Variants in IL1RAP observed in about 807,000 individuals in gnomAD.
The protein encoded by IL1RAP is interleukin-1 receptor accessory protein.
In IL1RAP, 35 loss-of-function variants were observed where a neutral mutation model predicts 60.7. The ratio of observed to expected loss-of-function variants is 0.58; its 90% CI spans 0.44 to 0.76. The LOEUF (loss-of-function observed/expected upper bound fraction) is 0.76, where lower values mean the gene tolerates loss of function less well. Ranked by LOEUF, IL1RAP falls within the 30% of genes least tolerant of loss-of-function variation. The pLI is 0.00. For synonymous variants in IL1RAP, 268 were observed against 250.9 expected (o/e 1.07, Z -0.64); for missense variants, 572 against 693.9 (o/e 0.82, Z 1.97).
intron 11 of IL1RAP, among the ~76,000 whole-genome samples, chr3:190,647,494 A>G (rs1734097076): frequency 1.3e-5 from 2 of 152,236 alleles, no homozygotes; most frequent in African/African-American, 4.8e-5. Context: ...CCTTGACAGC[A>G]GAATAAAATT....
chr3:190,596,931 C>A (rs3773953), intron 3 of IL1RAP, among the ~76,000 whole-genome samples: 14,154 of 152,038 alleles, frequency 0.093, 720 homozygotes, highest in African/African-American at 0.12. Context: ...TGACAAAATG[C>A]GCTCAGGTGG....
chr3:190,647,168 TG>T (rs1379970710), intron 11 of IL1RAP, among the ~76,000 whole-genome samples: 4 of 152,184 alleles, frequency 2.6e-5, no homozygotes, highest in African/African-American at 9.7e-5. Flanking sequence ...CTGGGTCTCT[TG>T]CCATGCTTGC....
intron 1 of IL1RAP, among the ~76,000 whole-genome samples, chr3:190,530,836 T>A (rs1722923888): frequency 1.3e-5 from 2 of 152,218 alleles, no homozygotes; most frequent in Admixed American, 1.3e-4. Flanking sequence ...ACAGACCACT[T>A]ACATGTTCAT....
chr3:190,653,738 C>A (rs1160390094), downstream of IL1RAP, among the ~76,000 whole-genome samples: 1 of 152,176 alleles, frequency 6.6e-6, no homozygotes, highest in African/African-American at 2.4e-5. Context: ...GGCCATACCT[C>A]ATTTTTTGAG....
intron 1 of IL1RAP, among the ~76,000 whole-genome samples, chr3:190,530,617 G>A (rs979295259): frequency 1.2e-4 from 19 of 152,162 alleles, no homozygotes; most frequent in Non-Finnish European, 2.6e-4. Context: ...TGATAAGTTT[G>A]CTTCTAGTAG....
At chr3:190,616,082 T>C (rs2108781590) in intron 5 of IL1RAP, among the ~76,000 whole-genome samples, 1 of 152,254 alleles carries the variant, frequency 6.6e-6, no homozygotes, top group East Asian at 1.9e-4. Flanking sequence ...CAGATAACAT[T>C]TGACGTAAGG....
intron 3 of IL1RAP, among the ~76,000 whole-genome samples, chr3:190,590,375 C>G (rs1486423134): frequency 2.0e-5 from 3 of 151,912 alleles, no homozygotes; most frequent in Admixed American, 2.0e-4. Context: ...CCTGCCTCAC[C>G]CTCCCAAGTA....
chr3:190,516,380 A>C (rs950769399), intron 1 of IL1RAP: 1 of 152,290 alleles, frequency 6.6e-6, no homozygotes, highest in African/African-American at 2.4e-5. Flanking sequence ...AAATAAGGTC[A>C]GATCATGAGG....
intron 1 of IL1RAP, among the ~76,000 whole-genome samples, chr3:190,528,054 C>A (rs1186407773): frequency 6.6e-6 from 1 of 151,974 alleles, no homozygotes; most frequent in Admixed American, 6.5e-5. Flanking sequence ...AGAATAATTT[C>A]AGAAGGAGAT....
At chr3:190,644,967 C>T (rs1733911968) in intron 10 of IL1RAP, among the ~76,000 whole-genome samples, 1 of 152,170 alleles carries the variant, frequency 6.6e-6, no homozygotes, top group Non-Finnish European at 1.5e-5. Flanking sequence ...CCAGCAGCAA[C>T]ATATCACGTG....
chr3:190,535,939 A>G (rs1213426974), intron 1 of IL1RAP, among the ~76,000 whole-genome samples: 1 of 152,216 alleles, frequency 6.6e-6, no homozygotes, highest in Non-Finnish European at 1.5e-5. Flanking sequence ...CTGCTATCAT[A>G]TAGCAAAGAT....
At chr3:190,542,945 A>C (rs1577547604) in intron 1 of IL1RAP, among the ~76,000 whole-genome samples, 1 of 151,314 alleles carries the variant, frequency 6.6e-6, no homozygotes, top group East Asian at 1.9e-4. Context: ...GCCAAAAAAA[A>C]ATGATGAGCT....
At chr3:190,635,736 G>T (rs1344414376) in intron 9 of IL1RAP, among the ~76,000 whole-genome samples, 1 of 152,030 alleles carries the variant, frequency 6.6e-6, no homozygotes, top group Non-Finnish European at 1.5e-5. Context: ...ATAGTTATTT[G>T]TAACATTTCA....
At chr3:190,629,943 T>C (rs1024949) in intron 9 of IL1RAP, 107,332 of 927,608 alleles carry the variant, frequency 0.12, 7,338 homozygotes, top group East Asian at 0.48. Flanking sequence ...TCGGAATTTT[T>C]CCTGAACAAA....
chr3:190,649,259 A>G lies in IL1RAP; in HGVS notation c.*554A>G. The G allele has an allele frequency of 2.0e-6, 2 of 985,724 alleles. No homozygotes were observed. The highest frequency in any genetic ancestry group is 1.2e-6 in the Non-Finnish European group (1 of 829,942). 61.1% of individuals were successfully genotyped at this position (985,724 alleles called of 1,614,324 possible). On this transcript the variant is annotated 3_prime_UTR_variant, in exon 12 of 12. Coordinates refer to ENST00000447382, the MANE Select transcript of IL1RAP (RefSeq NM_002182.4). ...CACTTAGGATGATACAAAGCAGTGT[A>G]ACTGAAAATGTTTCTTTTAATTGAT...
chr3:190,603,591 T>C (rs562304643), intron 3 of IL1RAP, among the ~76,000 whole-genome samples: 3 of 152,350 alleles, frequency 2.0e-5, no homozygotes, highest in African/African-American at 7.2e-5. Context: ...ATATATTGGG[T>C]TTAACAAAAT....
intron 1 of IL1RAP, among the ~76,000 whole-genome samples, chr3:190,545,105 C>T (rs966135549): frequency 2.6e-5 from 4 of 152,146 alleles, no homozygotes; most frequent in African/African-American, 4.8e-5. Flanking sequence ...GCCTGGAGAT[C>T]CTTTCAAACC....
chr3:190,643,069 A>G (rs1733772303), intron 9 of IL1RAP, among the ~76,000 whole-genome samples: 1 of 152,216 alleles, frequency 6.6e-6, no homozygotes, highest in African/African-American at 2.4e-5. Context: ...TCATGGAAGA[A>G]AAAGACATAA....
chr3:190,555,329 C>G (rs1353670868), intron 1 of IL1RAP, among the ~76,000 whole-genome samples: 1 of 152,104 alleles, frequency 6.6e-6, no homozygotes, highest in East Asian at 1.9e-4. Context: ...TTCTCTACTC[C>G]CTACTCTCAG....
Sources: gnomAD v4.1 joint callset for allele counts (sites outside exome capture counted in the v4.1 genomes callset) on GRCh38, gnomAD v4.1.1 for gene constraint, MANE v1.5 for transcripts, NCBI Gene and HGNC (gene_info 2026-07-23, HGNC 2026-07-21) for gene names.